Variants in CSNK1E observed in about 807,000 individuals in gnomAD.
CSNK1E encodes the protein casein kinase I isoform epsilon.
A neutral mutation model predicts 46.1 loss-of-function variants in CSNK1E; 17 were observed. The observed-to-expected ratio is 0.37, with a 90% CI of 0.25 to 0.55. The LOEUF (loss-of-function observed/expected upper bound fraction) is 0.55. CSNK1E is among the 20% of genes least tolerant of loss of function. CSNK1E has a pLI of 0.82. For synonymous variants in CSNK1E, 241 were observed against 242.6 expected (o/e 0.99, Z 0.06); for missense variants, 386 against 595.4 (o/e 0.65, Z 3.66).
rs889050448 is a variant in CSNK1E at position 38,303,874 on chromosome 22, T to G, written c.77-626A>C. Among the ~76,000 whole-genome samples the G allele has an allele frequency of 3.3e-5, 5 of 152,140 alleles. No individual in the cohort carries two copies. On this transcript the variant is annotated intron_variant, in intron 2 of 10. Transcript: ENST00000396832. The surrounding 1 kb of genome is among the most constrained non-coding windows in gnomAD (Gnocchi z 4.7). ...TGACCTGTAAATGGCGGCCTTGAGA[T>G]CAACCCCGGCTCTGCTGGCCTCCAG...
rs113188643 is a variant in CSNK1E, at chr22:38,290,858, TA to T, written c.*1112del. 133 of 126,588 alleles carry T rather than the reference TA, an allele frequency of 1.1e-3. No homozygotes were observed. Among genetic ancestry groups the T allele is most frequent in the South Asian group, 5.7e-3 (23 of 4,056 alleles). The allele number at this position is 126,588 out of a possible 1,614,324, so 7.8% of individuals were successfully genotyped here. ...GTAATAAAAAGCTTTGCTCTTTAAT[TA>T]AAAAAAAAAAGGAAAAAGGGGAAAC... On this transcript the variant is annotated 3_prime_UTR_variant, in exon 11 of 11. Transcript: ENST00000396832.
Position 38,300,195 on chromosome 22 carries a change from C to A in CSNK1E, c.566-130G>T. 1 of 771,872 alleles carries A rather than the reference C, an allele frequency of 1.3e-6. No individual in the cohort carries two copies. The highest frequency in any genetic ancestry group is 1.8e-5 in the South Asian group (1 of 54,086). 47.8% of individuals were successfully genotyped at this position (771,872 alleles called of 1,614,324 possible). A position where few individuals can be genotyped will look rare whatever the true frequency, so the allele number is the denominator to read the frequency against. On this transcript the variant is annotated intron_variant, in intron 5 of 10. Transcript: ENST00000396832. The surrounding 1 kb of genome is among the most constrained non-coding windows in gnomAD (Gnocchi z 4.4). ...CACGTCGGATGTTGCTCACTGCACG[C>A]ATTTTAAACAGGCACTGCTATTATC...
intron 2 of CSNK1E, among the ~76,000 whole-genome samples, chr22:38,308,407 T>C (rs1343510749): frequency 1.3e-5 from 2 of 152,044 alleles, no homozygotes; most frequent in African/African-American, 2.4e-5. Context: ...CATTTCCCCA[T>C]GAGCAGAGAG....
intron 2 of CSNK1E, 131 bp downstream of exon 2, chr22:38,313,951 G>T: frequency 1.2e-6 from 1 of 805,910 alleles, no homozygotes; most frequent in Non-Finnish European, 2.0e-6. Context: ...TTCCCCATCT[G>T]GGATGGCCCT....
intron 9 of CSNK1E, 61 bp from the exon 10 acceptor site, chr22:38,293,380 CAAG>C: frequency 4.6e-6 from 5 of 1,084,942 alleles, no homozygotes; most frequent in Non-Finnish European, 7.0e-6. Flanking sequence ...AGCTTCAAGT[CAAG>C]TCCCTTAGCC....
rs1375092408 is a variant in CSNK1E, at chr22:38,294,419, G to A, written c.1001C>T (p.Thr334Met). 2.1e-5 allele frequency: 32 copies of A among 1,560,866 alleles called. No homozygotes were observed. The highest frequency in any genetic ancestry group is 8.2e-5 in the South Asian group (7 of 85,672). Residue 334 changes from threonine (T) to methionine (M), a missense_variant, in exon 8 of 11, where the codon ACG becomes ATG. Thr to Met is a moderately conservative substitution (Grantham distance 81, BLOSUM62 -1). Transcript: ENST00000396832. The surrounding 1 kb of genome is among the most constrained non-coding windows in gnomAD (Gnocchi z 5.5). ...GCGGAGCCGGTTGGCAGTGGCCCCC[G>A]TGGGTGGGCCAGGGGGCAGGGCTCG... ...ATRALPPGPPTGATANRLRSA... is the reference protein window; with the variant it reads ...ATRALPPGPPMGATANRLRSA...
At position 38,300,594 on chromosome 22, in the gene CSNK1E, C is replaced by A. The variant is rs543028908; in HGVS notation, c.565+130G>T. 2.4e-6 allele frequency: 2 copies of A among 848,176 alleles called. No homozygotes were observed. Among genetic ancestry groups the A allele is most frequent in the Non-Finnish European group, 3.7e-6 (2 of 542,594 alleles). 52.5% of individuals were successfully genotyped at this position (848,176 alleles called of 1,614,324 possible). A position where few individuals can be genotyped will look rare whatever the true frequency, so the allele number is the denominator to read the frequency against. Reference sequence around the variant, plus strand: ...GAATAAGCACGAGCTTGGGGGCAGACGGGGTGGGGACTTTCTCACTAGAAA... The same window carrying A: ...GAATAAGCACGAGCTTGGGGGCAGAAGGGGTGGGGACTTTCTCACTAGAAA... On this transcript the variant is annotated intron_variant, in intron 5 of 10. Coordinates refer to ENST00000396832, the MANE Select transcript of CSNK1E (RefSeq NM_152221.3). This position sits in a 1 kb window ranked among gnomAD's most constrained non-coding sequence, Gnocchi z 4.4.
At chr22:38,296,551 T>C (rs1602542782) in intron 7 of CSNK1E, 1 of 1,611,758 alleles carries the variant, frequency 6.2e-7, no homozygotes, top group Admixed American at 1.7e-5. Flanking sequence ...ACAGTGGCCG[T>C]GGCATTGAGT....
intron 7 of CSNK1E, chr22:38,296,200 A>G: frequency 9.7e-7 from 1 of 1,028,512 alleles, no homozygotes; most frequent in African/African-American, 1.7e-5. Context: ...AGAAACACAC[A>G]GCAGGGAGCT....
In CSNK1E at chr22:38,314,749, G is replaced by A. The variant is rs190600454; in HGVS notation, c.-12-580C>T. ...CTTTAAGACTAGGAGGGTCTCCTAA[G>A]AGGGCCCTCATAGAACAACAAAGGG... On this transcript the variant is annotated intron_variant, in intron 1 of 10. Transcript: ENST00000396832. Among the ~76,000 whole-genome samples the A allele has an allele frequency of 4.4e-4, 67 of 152,320 alleles. No homozygotes were observed. The East Asian group carries it at 0.012, about 28-fold the overall frequency.
intron 7 of CSNK1E, chr22:38,297,016 C>T (rs981691014): frequency 1.2e-5 from 8 of 692,510 alleles, no homozygotes; most frequent in African/African-American, 7.0e-5. Flanking sequence ...TCAAGTCATC[C>T]GCCCTCTATG....
rs747678368 is a variant in CSNK1E at position 38,300,925 on chromosome 22, T to TG, written c.363dup (p.Lys122GlnfsTer68). 1 of 1,614,142 alleles carries TG rather than the reference T, an allele frequency of 6.2e-7. No individual in the cohort carries two copies. Among genetic ancestry groups the TG allele is most frequent in the Non-Finnish European group, 8.5e-7 (1 of 1,179,998 alleles). ...TTGACGTCCCGGTGGATGAAGTTCTTGGAGTGGATATACTCGATGCGGCTG... is the reference window on the plus strand; with the variant it reads ...TTGACGTCCCGGTGGATGAAGTTCTTGGGAGTGGATATACTCGATGCGGCTG... On this transcript the variant is annotated frameshift_variant, in exon 5 of 11. Coordinates refer to ENST00000396832, the MANE Select transcript of CSNK1E (RefSeq NM_152221.3). LOFTEE classifies it high-confidence loss of function. The surrounding 1 kb of genome is among the most constrained non-coding windows in gnomAD (Gnocchi z 4.4).
At chr22:38,311,716 T>A (rs75166264) in intron 2 of CSNK1E, among the ~76,000 whole-genome samples, 9,855 of 152,080 alleles carry the variant, frequency 0.065, 689 homozygotes, top group African/African-American at 0.17. Flanking sequence ...CAGAATGATA[T>A]GGTGACTTAC....
chr22:38,300,640 A>T lies in CSNK1E; in HGVS notation c.565+84T>A, dbSNP rs764754727. On this transcript the variant is annotated intron_variant, in intron 5 of 10. Coordinates refer to ENST00000396832, the MANE Select transcript of CSNK1E (RefSeq NM_152221.3). This position sits in a 1 kb window ranked among gnomAD's most constrained non-coding sequence, Gnocchi z 4.4. ...AGAAAAGAGCCTGGGGGCCTCCATCAGGGTAGGGGGTGAGAGGGCTCCAGA... is the reference window on the plus strand; with the variant it reads ...AGAAAAGAGCCTGGGGGCCTCCATCTGGGTAGGGGGTGAGAGGGCTCCAGA... The T allele has an allele frequency of 6.3e-5, 83 of 1,321,358 alleles. No individual in the cohort carries two copies. Among genetic ancestry groups the T allele is most frequent in the Admixed American group, 1.9e-4 (9 of 48,348 alleles). The allele number at this position is 1,321,358 out of a possible 1,614,324, so 81.9% of individuals were successfully genotyped here. A position where few individuals can be genotyped will look rare whatever the true frequency, so the allele number is the denominator to read the frequency against.
chr22:38,314,252 C>G, intron 1 of CSNK1E, 83 bp from the exon 2 acceptor site: 2 of 1,079,744 alleles, frequency 1.9e-6, no homozygotes, highest in Non-Finnish European at 2.8e-6. Context: ...GGCAGAGCCA[C>G]CAGGAACTCG....
intron 6 of CSNK1E, among the ~76,000 whole-genome samples, chr22:38,299,246 T>C (rs1482931022): frequency 6.6e-6 from 1 of 152,198 alleles, no homozygotes; most frequent in East Asian, 1.9e-4. Context: ...CCAAGCACCC[T>C]GGGGCCCACA....
chr22:38,314,407 G>C (rs135764), intron 1 of CSNK1E, among the ~76,000 whole-genome samples: 5 of 152,152 alleles, frequency 3.3e-5, no homozygotes, highest in Non-Finnish European at 7.4e-5. Context: ...CATGTCTTTG[G>C]GGGATGCTCA....
chr22:38,314,004 C>T, intron 2 of CSNK1E, 78 bp downstream of exon 2: 1 of 1,321,634 alleles, frequency 7.6e-7, no homozygotes, highest in Non-Finnish European at 1.1e-6. Flanking sequence ...ACTTCAGATC[C>T]CCAAATCCTG....
At chr22:38,293,998 A>G in intron 9 of CSNK1E, 111 bp downstream of exon 9, 7 of 1,315,060 alleles carry the variant, frequency 5.3e-6, no homozygotes, top group Non-Finnish European at 7.2e-6. Flanking sequence ...GTTCACTCCA[A>G]GGCAAGCAGC....
Sources: allele counts gnomAD v4.1 joint callset (sites outside exome capture counted in the v4.1 genomes callset), GRCh38; gene constraint gnomAD v4.1.1; non-coding constraint Gnocchi (gnomAD v3.1); transcripts MANE v1.5; gene names NCBI Gene and HGNC (gene_info 2026-07-23, HGNC 2026-07-21).